The following LINGO2 variants were observed in gnomAD, a reference collection of about 807,000 sequenced individuals.
LINGO2 encodes the protein leucine-rich repeat and immunoglobulin-like domain-containing nogo receptor-interacting protein 2.
LINGO2 carries 14 observed loss-of-function variants against 30.6 expected under a neutral mutation model. The observed-to-expected ratio is 0.46, with a 90% CI of 0.30 to 0.72. LINGO2 has a LOEUF of 0.72. Ranked by LOEUF, LINGO2 falls within the 30% of genes least tolerant of loss-of-function variation. LINGO2 has a pLI of 0.07. For missense variants in LINGO2, 729 were observed against 751.7 expected (o/e 0.97, Z 0.35); for synonymous variants, 317 against 288.5 (o/e 1.10, Z -1.00).
intron 1 of LINGO2, among the ~76,000 whole-genome samples, chr9:28,636,963 T>C (rs1348905637): frequency 6.6e-6 from 1 of 152,200 alleles, no homozygotes; most frequent in Non-Finnish European, 1.5e-5. Context: ...AGGTCTAACA[T>C]TTAAGTCTTT....
intron 2 of LINGO2, among the ~76,000 whole-genome samples, chr9:28,472,866 T>C (rs899950495): frequency 4.6e-5 from 7 of 152,174 alleles, no homozygotes; most frequent in African/African-American, 1.2e-4. Context: ...ATCATTCTTC[T>C]GTAACATTTT....
At chr9:27,952,622 C>A (rs968844692) in intron 5 of LINGO2, among the ~76,000 whole-genome samples, 1 of 151,926 alleles carries the variant, frequency 6.6e-6, no homozygotes, top group Non-Finnish European at 1.5e-5. Flanking sequence ...GGAATTATAT[C>A]TAAATATATT....
chr9:28,025,956 C>T (rs1288971442), intron 4 of LINGO2, among the ~76,000 whole-genome samples: 3 of 152,172 alleles, frequency 2.0e-5, no homozygotes, highest in African/African-American at 7.2e-5. Context: ...AGTGGCTTTC[C>T]ATTTCACAGA....
chr9:28,918,545 AC>A, the LINGO2 span, among the ~76,000 whole-genome samples: 2 of 152,158 alleles, frequency 1.3e-5, no homozygotes, highest in Admixed American at 6.5e-5. Flanking sequence ...GCCATTTGTG[AC>A]CCATCAATGG....
the LINGO2 span, among the ~76,000 whole-genome samples, chr9:28,839,129 G>A: frequency 6.6e-6 from 1 of 152,132 alleles, no homozygotes; most frequent in African/African-American, 2.4e-5. Context: ...GCTCCCCAAG[G>A]GGCTGCAGCT....
the LINGO2 span, among the ~76,000 whole-genome samples, chr9:28,770,280 A>G: frequency 1.2e-4 from 19 of 152,032 alleles, no homozygotes; most frequent in African/African-American, 4.6e-4. Flanking sequence ...TCTAGCAGCT[A>G]TTGTCAAGTT....
chr9:28,935,811 C>G, the LINGO2 span, among the ~76,000 whole-genome samples: 1 of 151,576 alleles, frequency 6.6e-6, no homozygotes, highest in Non-Finnish European at 1.5e-5. Context: ...AATATTTGAC[C>G]TAGTTAAAAG....
At chr9:28,782,160 G>A in the LINGO2 span, among the ~76,000 whole-genome samples, 1 of 152,046 alleles carries the variant, frequency 6.6e-6, no homozygotes, top group East Asian at 1.9e-4. Flanking sequence ...TCTGTCCAGT[G>A]GTATGGCATT....
chr9:28,673,625 C>A (rs938275714), upstream of LINGO2, among the ~76,000 whole-genome samples: 2 of 151,938 alleles, frequency 1.3e-5, no homozygotes, highest in Non-Finnish European at 2.9e-5. Flanking sequence ...CAAGATCACG[C>A]CACTACACTC....
the LINGO2 span, among the ~76,000 whole-genome samples, chr9:28,773,476 G>A: frequency 1.3e-5 from 2 of 152,102 alleles, no homozygotes; most frequent in Admixed American, 1.3e-4. Flanking sequence ...AAAATTAGTG[G>A]GATGATGGTG....
chr9:28,367,168 A>C (rs922733638), intron 3 of LINGO2, among the ~76,000 whole-genome samples: 1 of 150,236 alleles, frequency 6.7e-6, no homozygotes, highest in Non-Finnish European at 1.5e-5. Context: ...GATGTTCTAT[A>C]CATTTATTTC....
chr9:28,127,074 G>C (rs926395940), intron 4 of LINGO2, among the ~76,000 whole-genome samples: 3 of 152,162 alleles, frequency 2.0e-5, no homozygotes, highest in African/African-American at 7.2e-5. Flanking sequence ...TTAGGTATTA[G>C]GTAGATGAAA....
At chr9:29,204,209 T>G in the LINGO2 span, among the ~76,000 whole-genome samples, 1 of 152,200 alleles carries the variant, frequency 6.6e-6, no homozygotes, top group Admixed American at 6.5e-5. Context: ...ATAGGAAAGA[T>G]GAATGATTTG....
the LINGO2 span, among the ~76,000 whole-genome samples, chr9:28,828,742 G>A: frequency 2.0e-5 from 3 of 152,070 alleles, no homozygotes; most frequent in Non-Finnish European, 4.4e-5. Flanking sequence ...CAGAAGTATG[G>A]GTCTGAAAAT....
chr9:28,701,930 C>G, the LINGO2 span, among the ~76,000 whole-genome samples: 4 of 151,824 alleles, frequency 2.6e-5, no homozygotes, highest in Non-Finnish European at 2.9e-5. Flanking sequence ...TTAAAATGCA[C>G]TTCTTTAATG....
chr9:28,052,836 A>G (rs1380722236), intron 4 of LINGO2, among the ~76,000 whole-genome samples: 1 of 152,104 alleles, frequency 6.6e-6, no homozygotes, highest in African/African-American at 2.4e-5. Flanking sequence ...AAGGGAAGTA[A>G]TCATTTGGAT....
the LINGO2 span, among the ~76,000 whole-genome samples, chr9:28,982,834 C>A: frequency 6.6e-6 from 1 of 151,778 alleles, no homozygotes; most frequent in Non-Finnish European, 1.5e-5. Context: ...TTGCAGATAC[C>A]ACCAATAATA....
chr9:29,135,546 A>G, the LINGO2 span, among the ~76,000 whole-genome samples: 1 of 147,584 alleles, frequency 6.8e-6, no homozygotes. Flanking sequence ...TGACAGAGTG[A>G]CATTCCATCT....
intron 4 of LINGO2, among the ~76,000 whole-genome samples, chr9:28,153,391 A>G (rs1828050615): frequency 6.6e-6 from 1 of 152,182 alleles, no homozygotes; most frequent in Non-Finnish European, 1.5e-5. Flanking sequence ...GCAGCAATAA[A>G]AATAATTCTA....
Sources: allele counts gnomAD v4.1 joint callset (sites outside exome capture counted in the v4.1 genomes callset), GRCh38; gene constraint gnomAD v4.1.1; transcripts MANE v1.5; gene names NCBI Gene and HGNC (gene_info 2026-07-23, HGNC 2026-07-21).